Variants in GPAT4 observed in about 807,000 individuals in gnomAD.
GPAT4 encodes the protein 1-AGP acyltransferase 6.
In GPAT4, 17 loss-of-function variants were observed where a neutral mutation model predicts 58.0. The ratio of observed to expected loss-of-function variants is 0.29; its 90% CI spans 0.20 to 0.44. The LOEUF is 0.44. Ranked by LOEUF, GPAT4 falls within the 20% of genes least tolerant of loss-of-function variation. The pLI is 1.00. For missense variants in GPAT4, 377 were observed against 574.5 expected, an observed-to-expected ratio of 0.66 and a Z score of 3.51; for synonymous variants, 204 against 210.1, an observed-to-expected ratio of 0.97 and a Z score of 0.25.
chr8:41,607,540 C>CT (rs397946899), intron 2 of GPAT4, among the ~76,000 whole-genome samples: 13,099 of 140,222 alleles, frequency 0.093, 874 homozygotes, highest in African/African-American at 0.19. Context: ...GTTTCTCTCT[C>CT]TTTTTTTTTT....
chr8:41,602,262 G>T (rs544156735), intron 2 of GPAT4, among the ~76,000 whole-genome samples: 2 of 152,144 alleles, frequency 1.3e-5, no homozygotes, highest in Non-Finnish European at 2.9e-5. Context: ...CTGGCCTGGG[G>T]CACAGTGATT....
chr8:41,610,724 T>C lies in GPAT4; in HGVS notation c.537-12T>C. The C allele has an allele frequency of 6.2e-7, 1 of 1,602,432 alleles. No homozygotes were observed. Among genetic ancestry groups the C allele is most frequent in the African/African-American group, 1.3e-5 (1 of 74,592 alleles). On this transcript the variant is annotated splice_polypyrimidine_tract_variant and intron_variant, in intron 4 of 12. Coordinates refer to ENST00000396987, the MANE Select transcript of GPAT4 (RefSeq NM_178819.4). ...TTTGCTGGCTGTGCTCTAACTTTTC[T>C]TCTTCTTACAGGATAGCACTGGCTT...
At chr8:41,607,115 A>G (rs568680703) in intron 2 of GPAT4, among the ~76,000 whole-genome samples, 1 of 152,162 alleles carries the variant, frequency 6.6e-6, no homozygotes, top group African/African-American at 2.4e-5. Flanking sequence ...GCCATTTCTC[A>G]AACTCCTGGG....
At chr8:41,610,617 C>T in intron 4 of GPAT4, 119 bp from the exon 5 acceptor site, 1 of 1,547,548 alleles carries the variant, frequency 6.5e-7, no homozygotes. Context: ...TGGTCCAGGT[C>T]CCAGGTGAGC....
chr8:41,582,678 T>TGTGTGG (rs1802554087), intron 1 of GPAT4, among the ~76,000 whole-genome samples: 1 of 146,862 alleles, frequency 6.8e-6, no homozygotes, highest in Non-Finnish European at 1.5e-5. Flanking sequence ...AGAGAGAGTG[T>TGTGTGG]GTGTGTGTGT....
intron 5 of GPAT4, among the ~76,000 whole-genome samples, chr8:41,611,089 G>A (rs7841392): frequency 0.24 from 36,650 of 152,034 alleles, 4,475 homozygotes; most frequent in East Asian, 0.3. Flanking sequence ...AGCCAGGCAC[G>A]GTGGCGGGTG....
chr8:41,597,666 G>GT (rs1455972750), intron 1 of GPAT4, among the ~76,000 whole-genome samples: 1 of 152,170 alleles, frequency 6.6e-6, no homozygotes, highest in Admixed American at 6.5e-5. Context: ...AAATATCAGT[G>GT]TTTAGCCTTA....
chr8:41,600,009 ATT>A (rs1377685849), intron 2 of GPAT4, among the ~76,000 whole-genome samples: 1 of 136,616 alleles, frequency 7.3e-6, no homozygotes, highest in Non-Finnish European at 1.6e-5. Context: ...ATAATACAGC[ATT>A]GTTCATATTT....
intron 1 of GPAT4, among the ~76,000 whole-genome samples, chr8:41,581,387 A>G (rs1377332938): frequency 1.3e-5 from 2 of 152,164 alleles, no homozygotes; most frequent in Admixed American, 1.3e-4. Flanking sequence ...TAATTTGTAA[A>G]CCGAAGATCT....
At chr8:41,584,780 A>C (rs1802608550) in intron 1 of GPAT4, 1 of 151,880 alleles carries the variant, frequency 6.6e-6, no homozygotes, top group African/African-American at 2.4e-5. Flanking sequence ...CAGCTTCAAG[A>C]GATGGTTCCG....
At position 41,598,831 on chromosome 8, in the gene GPAT4, C is replaced by T. The variant is rs1454298561; in HGVS notation, c.-309C>T. ...GAGCAGAGCCCCCGTCCTCACTGCT[C>T]ACTTGCACAGAAACTCCATCTGGAC... is the stretch of plus-strand genomic sequence containing the variant. On this transcript the variant is annotated 5_prime_UTR_variant, in exon 2 of 13. Transcript: ENST00000396987. 1 of 332,144 alleles carries T rather than the reference C, an allele frequency of 3.0e-6. No individual in the cohort carries two copies. Among genetic ancestry groups the T allele is most frequent in the Non-Finnish European group, 5.4e-6 (1 of 185,164 alleles). The allele number at this position is 332,144 out of a possible 1,614,324, so 20.6% of individuals were successfully genotyped here.
chr8:41,581,628 T>C (rs1349315797), intron 1 of GPAT4, among the ~76,000 whole-genome samples: 290 of 143,552 alleles, frequency 2.0e-3, no homozygotes, highest in African/African-American at 5.5e-3. Flanking sequence ...TTGTTGACTT[T>C]TTTTTTTTTT....
intron 6 of GPAT4, 47 bp from the exon 7 acceptor site, chr8:41,612,133 A>G (rs1374650649): frequency 4.4e-6 from 7 of 1,596,522 alleles, no homozygotes; most frequent in African/African-American, 1.3e-5. Flanking sequence ...TGTTACATGA[A>G]CTGTTTCACA....
At chr8:41,589,372 G>A (rs1323377094) in intron 1 of GPAT4, among the ~76,000 whole-genome samples, 3 of 151,348 alleles carry the variant, frequency 2.0e-5, no homozygotes, top group Non-Finnish European at 4.4e-5. Flanking sequence ...GGATGGGATG[G>A]GGTGGGATGG....
At chr8:41,593,229 T>C (rs1164275723) in intron 1 of GPAT4, among the ~76,000 whole-genome samples, 3 of 152,184 alleles carry the variant, frequency 2.0e-5, no homozygotes, top group Non-Finnish European at 4.4e-5. Flanking sequence ...TTAATCTTAT[T>C]TCAAAAACTG....
intron 1 of GPAT4, among the ~76,000 whole-genome samples, chr8:41,590,329 C>T (rs763979706): frequency 2.6e-5 from 4 of 152,224 alleles, no homozygotes; most frequent in Non-Finnish European, 5.9e-5. Context: ...TCAGGTGATC[C>T]ACCTGCCTCA....
In GPAT4 at chr8:41,598,559, T is replaced by C. The variant is rs974386951; in HGVS notation, c.-581T>C. ...AGATATGAACTCTCTACCATGAACA[T>C]GGTTCTCGGCTTATGAAGGAATTTT... On this transcript the variant is annotated 5_prime_UTR_variant, in exon 2 of 13. The change abolishes an upstream ATG in the 5' untranslated region. Coordinates refer to ENST00000396987, the MANE Select transcript of GPAT4 (RefSeq NM_178819.4). 2.0e-5 allele frequency: 3 copies of C among 152,252 alleles called. No individual in the cohort carries two copies. Among genetic ancestry groups the C allele is most frequent in the Admixed American group, 2.0e-4 (3 of 15,284 alleles). 9.4% of individuals were successfully genotyped at this position (152,252 alleles called of 1,614,324 possible).
chr8:41,614,884 T>C, intron 9 of GPAT4, 79 bp from the exon 10 acceptor site: 1 of 1,180,878 alleles, frequency 8.5e-7, no homozygotes, highest in Non-Finnish European at 1.2e-6. Flanking sequence ...TTGACTATTA[T>C]ACTTAGTCTT....
chr8:41,616,447 C>A (rs922808800), intron 10 of GPAT4, among the ~76,000 whole-genome samples: 1 of 152,148 alleles, frequency 6.6e-6, no homozygotes, highest in African/African-American at 2.4e-5. Context: ...AGGTGCACAC[C>A]ACCACACCTG....
Sources: allele counts gnomAD v4.1 joint callset (sites outside exome capture counted in the v4.1 genomes callset), GRCh38; gene constraint gnomAD v4.1.1; transcripts MANE v1.5; gene names NCBI Gene and HGNC (gene_info 2026-07-23, HGNC 2026-07-21).